Variants in B4GALT7 observed in about 807,000 individuals in gnomAD.
B4GALT7 encodes the protein beta-1,4-galactosyltransferase 7, also known as UDP-Gal:beta-GlcNAc beta-1,4-galactosyltransferase 7.
A neutral mutation model predicts 33.0 loss-of-function variants in B4GALT7; 30 were observed. The observed-to-expected ratio is 0.91, with a 90% CI of 0.68 to 1.23. The LOEUF (loss-of-function observed/expected upper bound fraction) is 1.23. Ranked by LOEUF, B4GALT7 falls within the 50% of genes most tolerant of loss-of-function variation. B4GALT7 has a pLI of 0.00. For synonymous variants in B4GALT7, 213 were observed against 187.2 expected, an observed-to-expected ratio of 1.14 and a Z score of -1.13; for missense variants, 507 against 450.8, an observed-to-expected ratio of 1.12 and a Z score of -1.13.
In B4GALT7 at chr5:177,609,887, G is replaced by A. The variant is rs149337593; in HGVS notation, c.*192G>A. ...CCAGGACACGTGGGGTGCCTGGGAC[G>A]CTGCTTGCCATGCACAGTGATCAGA... On this transcript the variant is annotated 3_prime_UTR_variant, in exon 6 of 6. Coordinates refer to ENST00000029410, the MANE Select transcript of B4GALT7 (RefSeq NM_007255.3). 7 of 688,032 alleles carry A rather than the reference G, an allele frequency of 1.0e-5. No homozygotes were observed. Among genetic ancestry groups the A allele is most frequent in the African/African-American group, 7.1e-5 (4 of 56,452 alleles). The allele number at this position is 688,032 out of a possible 1,614,324, so 42.6% of individuals were successfully genotyped here.
Position 177,606,891 on chromosome 5 carries a change from T to C in B4GALT7, c.414-411T>C, listed in dbSNP as rs79392633. On this transcript the variant is annotated intron_variant, in intron 2 of 5. Coordinates refer to ENST00000029410, the MANE Select transcript of B4GALT7 (RefSeq NM_007255.3). The surrounding 1 kb of genome is among the most constrained non-coding windows in gnomAD (Gnocchi z 4.2). ...TGGGTCATCTCTTCAGGCCTTCAGG[T>C]TTCTGTCACTCAGTTCCCCTGGCCC... 2.9e-6 allele frequency: 1 copy of C among 347,438 alleles called. No individual in the cohort carries two copies. The highest frequency in any genetic ancestry group is 5.7e-6 in the Non-Finnish European group (1 of 176,426). 21.5% of individuals were successfully genotyped at this position (347,438 alleles called of 1,614,324 possible). A position where few individuals can be genotyped will look rare whatever the true frequency, so the allele number is the denominator to read the frequency against.
rs778613629 is a variant in B4GALT7, at chr5:177,604,158, C to G, written c.51-21C>G. On this transcript the variant is annotated intron_variant, in intron 1 of 5. Coordinates refer to ENST00000029410, the MANE Select transcript of B4GALT7 (RefSeq NM_007255.3). Reference sequence around the variant, plus strand: ...GCCAGCCCTGCCCCGCCCTCCTGACCCTGTCCCGCGCTTGCTCCAGGTCCG... The same window carrying G: ...GCCAGCCCTGCCCCGCCCTCCTGACGCTGTCCCGCGCTTGCTCCAGGTCCG... The G allele has an allele frequency of 8.7e-6, 14 of 1,613,156 alleles. No homozygotes were observed. In the South Asian group the frequency reaches 1.4e-4, roughly 16 times the overall value.
At chr5:177,607,156 G>C in intron 2 of B4GALT7, 146 bp from the exon 3 acceptor site, 2 of 718,130 alleles carry the variant, frequency 2.8e-6, no homozygotes, top group Non-Finnish European at 5.0e-6. Flanking sequence ...AATATGCGAT[G>C]AGTGGAGGGA....
Position 177,607,234 on chromosome 5 carries a change from G to A in B4GALT7, c.414-68G>A, listed in dbSNP as rs1461979642. The A allele has an allele frequency of 2.1e-6, 3 of 1,420,712 alleles. No individual in the cohort carries two copies. In the Admixed American group the frequency reaches 5.9e-5, roughly 28 times the overall value. The allele number at this position is 1,420,712 out of a possible 1,614,324, so 88.0% of individuals were successfully genotyped here. On this transcript the variant is annotated intron_variant, in intron 2 of 5. Transcript: ENST00000029410. ...AGCATAGGCACCATGGGGACCCCCG[G>A]GTGGGTGCTGAGCCCCAGGCAGTGA...
At position 177,609,802 on chromosome 5, in the gene B4GALT7, A is replaced by G; in HGVS notation, c.*107A>G. ...TCTGACAGGATGTGGAGTGGCCAGG[A>G]CCAAGACAGCAAGCTACGCAATTGC... On this transcript the variant is annotated 3_prime_UTR_variant, in exon 6 of 6. Coordinates refer to ENST00000029410, the MANE Select transcript of B4GALT7 (RefSeq NM_007255.3). The G allele has an allele frequency of 6.9e-7, 1 of 1,449,734 alleles. No individual in the cohort carries two copies. The highest frequency in any genetic ancestry group is 9.4e-7 in the Non-Finnish European group (1 of 1,063,520). 89.8% of individuals were successfully genotyped at this position (1,449,734 alleles called of 1,614,324 possible).
Position 177,610,174 on chromosome 5 carries a change from C to G in B4GALT7, c.*479C>G. 5.3e-6 allele frequency: 1 copy of G among 188,134 alleles called. No individual in the cohort carries two copies. The highest frequency in any genetic ancestry group is 1.1e-5 in the Non-Finnish European group (1 of 89,104). The allele number at this position is 188,134 out of a possible 1,614,324, so 11.7% of individuals were successfully genotyped here. On this transcript the variant is annotated 3_prime_UTR_variant, in exon 6 of 6. Transcript: ENST00000029410. ...GAGCACAAGCCCCACAGAGGGGGAA[C>G]AGCCAGCACCGCTCTAGCTGGTTGT...
In B4GALT7 at chr5:177,604,540, A is replaced by G. The variant is rs1581992878; in HGVS notation, c.412A>G (p.Arg138Gly). Residue 138 changes from arginine (R) to glycine (G), a missense_variant and splice_region_variant, in exon 2 of 6, where the codon AGG becomes GGG. By Grantham distance (125) the Arg-to-Gly change is moderately radical. Coordinates refer to ENST00000029410, the MANE Select transcript of B4GALT7 (RefSeq NM_007255.3). ...IYVLNQVDHF[R>G]FNRAALINVG... is the part of the protein sequence containing the mutation. ...CGTGCTCAACCAGGTGGACCACTTCAGGTAGCGCCCGCCCCCACCCTCTCC... is the reference window on the plus strand; with the variant it reads ...CGTGCTCAACCAGGTGGACCACTTCGGGTAGCGCCCGCCCCCACCCTCTCC... The G allele has an allele frequency of 1.2e-6, 2 of 1,613,642 alleles. No individual in the cohort carries two copies. Among genetic ancestry groups the G allele is most frequent in the Non-Finnish European group, 1.7e-6 (2 of 1,179,914 alleles).
chr5:177,606,899 A>C lies in B4GALT7; in HGVS notation c.414-403A>C. On this transcript the variant is annotated intron_variant, in intron 2 of 5. Coordinates refer to ENST00000029410, the MANE Select transcript of B4GALT7 (RefSeq NM_007255.3). The surrounding 1 kb of genome is among the most constrained non-coding windows in gnomAD (Gnocchi z 4.2). Reference sequence around the variant, plus strand: ...CTCTTCAGGCCTTCAGGTTTCTGTCACTCAGTTCCCCTGGCCCTCCCTGAC... The same window carrying C: ...CTCTTCAGGCCTTCAGGTTTCTGTCCCTCAGTTCCCCTGGCCCTCCCTGAC... 1 of 354,056 alleles carries C rather than the reference A, an allele frequency of 2.8e-6. No individual in the cohort carries two copies. Among genetic ancestry groups the C allele is most frequent in the Non-Finnish European group, 5.5e-6 (1 of 180,432 alleles). 21.9% of individuals were successfully genotyped at this position (354,056 alleles called of 1,614,324 possible). A position where few individuals can be genotyped will look rare whatever the true frequency, so the allele number is the denominator to read the frequency against.
intron 1 of B4GALT7, among the ~76,000 whole-genome samples, chr5:177,601,245 C>T (rs1305036367): frequency 2.6e-5 from 4 of 152,126 alleles, no homozygotes; most frequent in Non-Finnish European, 4.4e-5. Flanking sequence ...AGGAGTCCTC[C>T]GTAATTATGT....
rs1353472922 is a variant in B4GALT7, at chr5:177,608,439, C to T, written c.640-100C>T. The T allele has an allele frequency of 3.6e-6, 4 of 1,102,228 alleles. No homozygotes were observed. The highest frequency in any genetic ancestry group is 5.5e-6 in the Non-Finnish European group (4 of 727,364). The allele number at this position is 1,102,228 out of a possible 1,614,324, so 68.3% of individuals were successfully genotyped here. ...AGCCTGCAAGCACCCGGGGCTTATT[C>T]AGAGGCGCTGGGGGAGAGGGGCACT... On this transcript the variant is annotated intron_variant, in intron 3 of 5. Coordinates refer to ENST00000029410, the MANE Select transcript of B4GALT7 (RefSeq NM_007255.3). The surrounding 1 kb of genome is among the most constrained non-coding windows in gnomAD (Gnocchi z 4.1).
Position 177,604,450 on chromosome 5 carries a change from C to T in B4GALT7, c.322C>T (p.Leu108Phe). The T allele has an allele frequency of 6.2e-7, 1 of 1,614,010 alleles. No individual in the cohort carries two copies. The highest frequency in any genetic ancestry group is 8.5e-7 in the Non-Finnish European group (1 of 1,179,944). ...GCCCTTCCGCGAACGCTTCGAGGAG[C>T]TCCTGGTCTTCGTGCCCCACATGCG... ...LVPFRERFEELLVFVPHMRRF... is the reference protein window; with the variant it reads ...LVPFRERFEEFLVFVPHMRRF... The change falls in exon 2 of 6, where the codon CTC (leucine) becomes TTC (phenylalanine). Residue 108 changes from leucine (L) to phenylalanine (F), a missense_variant. By Grantham distance (22) the Leu-to-Phe change is conservative. Transcript: ENST00000029410.
In B4GALT7 at chr5:177,600,646, G is replaced by C. The variant is rs1188053462; in HGVS notation, c.50+386G>C. 6.6e-6 allele frequency among the ~76,000 whole-genome samples: 1 copy of C among 152,110 alleles called. No individual in the cohort carries two copies. Among genetic ancestry groups the C allele is most frequent in the African/African-American group, 2.4e-5 (1 of 41,396 alleles). ...TATCTGCATGCGGGTCTCTGACTCC[G>C]CTGACCTCTCACCATGGATTTGTGT... On this transcript the variant is annotated intron_variant, in intron 1 of 5. Coordinates refer to ENST00000029410, the MANE Select transcript of B4GALT7 (RefSeq NM_007255.3). This position sits in a 1 kb window ranked among gnomAD's most constrained non-coding sequence, Gnocchi z 4.4.
At position 177,610,104 on chromosome 5, in the gene B4GALT7, G is replaced by A. The variant is rs886865135; in HGVS notation, c.*409G>A. ...ACAGTGTAGGGGCCATGCAGCTGGC[G>A]TAGGTGGCAGTTGGGCCTGGTGAGG... On this transcript the variant is annotated 3_prime_UTR_variant, in exon 6 of 6. Transcript: ENST00000029410. 48 of 247,938 alleles carry A rather than the reference G, an allele frequency of 1.9e-4. No individual in the cohort carries two copies. Among genetic ancestry groups the A allele is most frequent in the Non-Finnish European group, 1.1e-4 (13 of 123,394 alleles). 15.4% of individuals were successfully genotyped at this position (247,938 alleles called of 1,614,324 possible).
chr5:177,607,816 G>C, intron 3 of B4GALT7: 2 of 504,800 alleles, frequency 4.0e-6, no homozygotes, highest in Non-Finnish European at 7.3e-6. Context: ...AGTGTCACCA[G>C]GACCCTGTTT....
rs570514244 is a variant in B4GALT7, at chr5:177,605,587, A to G, written c.413+1046A>G. On this transcript the variant is annotated intron_variant, in intron 2 of 5. Coordinates refer to ENST00000029410, the MANE Select transcript of B4GALT7 (RefSeq NM_007255.3). The stretch of plus-strand genomic sequence containing the variant: ...TGCCAGCCTCTGTGCACAGGGACTC[A>G]AGGCTGTTCCAGCTTCTGTCCGGGC... Among the ~76,000 whole-genome samples the G allele has an allele frequency of 1.5e-4, 23 of 152,246 alleles. No homozygotes were observed. The South Asian group carries it at 3.5e-3, about 23-fold the overall frequency.
In B4GALT7 at chr5:177,604,425, G is replaced by T. The variant is rs114036939; in HGVS notation, c.297G>T (p.Val99=). 3,372 of 1,613,872 alleles carry T rather than the reference G, an allele frequency of 2.1e-3. 54 individuals carry two copies. The African/African-American group carries it at 0.039, about 19-fold the overall frequency. ...SWGPHRLAVL[V]PFRERFEELL... The stretch of plus-strand genomic sequence containing the variant: ...GCCCCCACCGCCTGGCAGTGCTGGT[G>T]CCCTTCCGCGAACGCTTCGAGGAGC... Residue 99 remains valine (V), a synonymous_variant, in exon 2 of 6, where the codon GTG becomes GTT. Coordinates refer to ENST00000029410, the MANE Select transcript of B4GALT7 (RefSeq NM_007255.3).
At chr5:177,603,808 T>C (rs1288039328) in intron 1 of B4GALT7, among the ~76,000 whole-genome samples, 1 of 152,044 alleles carries the variant, frequency 6.6e-6, no homozygotes, top group Non-Finnish European at 1.5e-5. Flanking sequence ...GCTCAGGACA[T>C]TGAGCCACTA....
At position 177,608,485 on chromosome 5, in the gene B4GALT7, A is replaced by AG. The variant is rs927685557; in HGVS notation, c.640-52dup. On this transcript the variant is annotated intron_variant, in intron 3 of 5. Coordinates refer to ENST00000029410, the MANE Select transcript of B4GALT7 (RefSeq NM_007255.3). The surrounding 1 kb of genome is among the most constrained non-coding windows in gnomAD (Gnocchi z 4.1). ...GCACTCCCGAGCGGTAGGAGACCAA[A>AG]GGCCCCCCCCCCCGGGAAGATGGGC... The AG allele has an allele frequency of 1.3e-5, 19 of 1,470,740 alleles. No homozygotes were observed. The African/African-American group carries it at 2.6e-4, about 20-fold the overall frequency. The allele number at this position is 1,470,740 out of a possible 1,614,324, so 91.1% of individuals were successfully genotyped here.
In B4GALT7 at chr5:177,604,225, C is replaced by A; in HGVS notation, c.97C>A (p.His33Asn). 6.2e-7 allele frequency: 1 copy of A among 1,613,776 alleles called. No individual in the cohort carries two copies. The change falls in exon 2 of 6, where the codon CAC (histidine) becomes AAC (asparagine). Residue 33 changes from histidine (H) to asparagine (N), a missense_variant. His to Asn is a moderately conservative substitution (Grantham distance 68, BLOSUM62 1). Transcript: ENST00000029410. ...GGLPRKCSVF[H>N]LFVACLSLGF... is the part of the protein sequence containing the mutation. ...CCTCCCTCGGAAGTGTTCCGTCTTC[C>A]ACCTGTTCGTGGCCTGCCTCTCGCT...
Sources: gnomAD v4.1 joint callset for allele counts (sites outside exome capture counted in the v4.1 genomes callset) on GRCh38, gnomAD v4.1.1 for gene constraint, Gnocchi (gnomAD v3.1) non-coding constraint, MANE v1.5 for transcripts, NCBI Gene and HGNC (gene_info 2026-07-23, HGNC 2026-07-21) for gene names.